RSPRY1: variants seen among roughly 807,000 people sequenced by gnomAD.
RSPRY1 encodes the protein RING finger and SPRY domain-containing protein 1.
Under a neutral mutation model 73.1 loss-of-function variants are expected in RSPRY1, and 23 were observed. The ratio of observed to expected loss-of-function variants is 0.31; its 90% CI spans 0.23 to 0.45. The LOEUF is 0.45. Among genes scored for constraint, RSPRY1 ranks in the 20% least tolerant of loss-of-function variants. RSPRY1 has a pLI of 1.00. For synonymous variants in RSPRY1, 226 were observed against 251.4 expected, an observed-to-expected ratio of 0.90 and a Z score of 0.95; for missense variants, 448 against 698.7, an observed-to-expected ratio of 0.64 and a Z score of 4.05.
intron 10 of RSPRY1, chr16:57,224,392 A>G (rs1244337030): frequency 6.6e-6 from 1 of 152,260 alleles, no homozygotes; most frequent in Admixed American, 6.5e-5. Flanking sequence ...TACAGCAGGA[A>G]AAAGGAGAGT....
rs1394239098 is a variant in RSPRY1, at chr16:57,221,156, A to C, written c.1018-116A>C. The C allele has an allele frequency of 1.8e-5, 23 of 1,267,686 alleles. No homozygotes were observed. In the Admixed American group the frequency reaches 4.8e-4, roughly 26 times the overall value. The allele number at this position is 1,267,686 out of a possible 1,614,324, so 78.5% of individuals were successfully genotyped here. A position where few individuals can be genotyped will look rare whatever the true frequency, so the allele number is the denominator to read the frequency against. On this transcript the variant is annotated intron_variant, in intron 9 of 14. Coordinates refer to ENST00000394420, the MANE Select transcript of RSPRY1 (RefSeq NM_133368.3). ...ACTGAGGATGGACAGAGGAGGAAGCAATAGTCCACCAGAAGTTTTAATAAG... is the reference window on the plus strand; with the variant it reads ...ACTGAGGATGGACAGAGGAGGAAGCCATAGTCCACCAGAAGTTTTAATAAG...
chr16:57,231,013 C>G (rs554865386), intron 12 of RSPRY1, among the ~76,000 whole-genome samples, 154 bp from the exon 13 acceptor site: 1 of 152,350 alleles, frequency 6.6e-6, no homozygotes, highest in Non-Finnish European at 1.5e-5. Flanking sequence ...ATTCTCTAGT[C>G]ACAGACCTGT....
chr16:57,200,556 C>G (rs1462308482), intron 1 of RSPRY1, among the ~76,000 whole-genome samples: 21 of 149,882 alleles, frequency 1.4e-4, no homozygotes, highest in Non-Finnish European at 3.0e-4. Flanking sequence ...GCCTCCCTCC[C>G]GGATGGGGCG....
chr16:57,233,322 C>G (rs1186053997), intron 13 of RSPRY1, among the ~76,000 whole-genome samples: 1 of 152,106 alleles, frequency 6.6e-6, no homozygotes, highest in African/African-American at 2.4e-5. Flanking sequence ...TACAAGTCAT[C>G]CACTCACAGC....
At chr16:57,201,336 G>A (rs1487275742) in intron 1 of RSPRY1, among the ~76,000 whole-genome samples, 1 of 145,336 alleles carries the variant, frequency 6.9e-6, no homozygotes, top group Non-Finnish European at 1.5e-5. Context: ...CGGCCGGGCA[G>A]AGACGCTCCT....
intron 14 of RSPRY1, among the ~76,000 whole-genome samples, 186 bp downstream of exon 14, chr16:57,235,414 T>A (rs1324459658): frequency 6.6e-6 from 1 of 152,222 alleles, no homozygotes; most frequent in Non-Finnish European, 1.5e-5. Context: ...CTGTTTTGTT[T>A]ACTCAGTACT....
At chr16:57,188,709 T>A (rs1398195290) in intron 1 of RSPRY1, among the ~76,000 whole-genome samples, 4 of 152,120 alleles carry the variant, frequency 2.6e-5, no homozygotes, top group Non-Finnish European at 5.9e-5. Context: ...AGAGACGAGG[T>A]TTCTCCGTGT....
At chr16:57,205,204 T>C in intron 2 of RSPRY1, 196 bp downstream of exon 2, 2 of 567,706 alleles carry the variant, frequency 3.5e-6, no homozygotes, top group Non-Finnish European at 6.3e-6. Flanking sequence ...TGTCATCTAC[T>C]TTGTCTGGAA....
At chr16:57,191,278 G>GT (rs1364680028) in intron 1 of RSPRY1, among the ~76,000 whole-genome samples, 6 of 152,028 alleles carry the variant, frequency 3.9e-5, no homozygotes, top group Non-Finnish European at 1.5e-5. Context: ...CTGTTTGTTT[G>GT]TTTTTTTAAG....
At position 57,240,103 on chromosome 16, in the gene RSPRY1, A is replaced by G. The variant is rs1249443428; in HGVS notation, c.*1128A>G. On this transcript the variant is annotated 3_prime_UTR_variant, in exon 15 of 15. Transcript: ENST00000394420. The stretch of plus-strand genomic sequence containing the variant: ...CATAGAACTTCTTTTATAATGGTGT[A>G]CCTCAGCAGCTGCCTTTCAATTTAT... 2 of 152,108 alleles carry G rather than the reference A, an allele frequency of 1.3e-5. No homozygotes were observed. The highest frequency in any genetic ancestry group is 4.8e-5 in the African/African-American group (2 of 41,420). The allele number at this position is 152,108 out of a possible 1,614,324, so 9.4% of individuals were successfully genotyped here.
At chr16:57,188,735 C>T (rs568567614) in intron 1 of RSPRY1, among the ~76,000 whole-genome samples, 21 of 151,974 alleles carry the variant, frequency 1.4e-4, no homozygotes, top group African/African-American at 4.6e-4. Context: ...AGGCTGGTGT[C>T]GAACTCCCGA....
At chr16:57,210,712 C>CAA (rs754471522) in intron 4 of RSPRY1, among the ~76,000 whole-genome samples, 1 of 125,172 alleles carries the variant, frequency 8.0e-6, no homozygotes, top group African/African-American at 3.0e-5. Flanking sequence ...AACTCTGTCT[C>CAA]AAAAAAAAAA....
At chr16:57,224,397 G>A (rs2075089383) in intron 10 of RSPRY1, 1 of 152,236 alleles carries the variant, frequency 6.6e-6, no homozygotes, top group South Asian at 2.1e-4. Flanking sequence ...CAGGAAAAAG[G>A]AGAGTGTCCA....
chr16:57,216,180 A>G lies in RSPRY1; in HGVS notation c.769+7A>G. ...GAAAAGTTTGCACAGACAAGTAGGT[A>G]TAGTGACTTCTTGCACTAATGATCT... On this transcript the variant is annotated splice_region_variant and intron_variant, in intron 7 of 14. Transcript: ENST00000394420. 6.2e-7 allele frequency: 1 copy of G among 1,601,380 alleles called. No homozygotes were observed.
At chr16:57,199,838 C>CT (rs3055196) in intron 1 of RSPRY1, among the ~76,000 whole-genome samples, 5 of 132,560 alleles carry the variant, frequency 3.8e-5, no homozygotes, top group Admixed American at 1.5e-4. Flanking sequence ...AGTGAAATTT[C>CT]TTTTTTTTTT....
At chr16:57,209,973 G>A (rs1481553429) in intron 4 of RSPRY1, among the ~76,000 whole-genome samples, 3 of 151,940 alleles carry the variant, frequency 2.0e-5, no homozygotes, top group Admixed American at 6.6e-5. Flanking sequence ...ACTGTGCCCC[G>A]CCACATTCTC....
At chr16:57,225,289 G>A (rs1274856861) in intron 10 of RSPRY1, among the ~76,000 whole-genome samples, 1 of 152,212 alleles carries the variant, frequency 6.6e-6, no homozygotes, top group Non-Finnish European at 1.5e-5. Flanking sequence ...TCAAATGCCT[G>A]GCCTCAAGTG....
At chr16:57,186,522 G>A (rs1277996862) in intron 1 of RSPRY1, 71 bp downstream of exon 1, 2 of 153,136 alleles carry the variant, frequency 1.3e-5, no homozygotes, top group African/African-American at 4.8e-5. Flanking sequence ...CTGAGGGTTG[G>A]GGACGTCTGT....
At chr16:57,237,657 A>C (rs2075319744) in intron 14 of RSPRY1, among the ~76,000 whole-genome samples, 1 of 152,154 alleles carries the variant, frequency 6.6e-6, no homozygotes, top group African/African-American at 2.4e-5. Flanking sequence ...CATATATTTC[A>C]GCCAAATGCT....
Sources: allele counts gnomAD v4.1 joint callset (sites outside exome capture counted in the v4.1 genomes callset), GRCh38; gene constraint gnomAD v4.1.1; transcripts MANE v1.5; gene names NCBI Gene and HGNC (gene_info 2026-07-23, HGNC 2026-07-21).